Variants in EDA observed in about 807,000 individuals in gnomAD.
The protein encoded by EDA is ectodysplasin-A.
EDA carries 2 observed loss-of-function variants against 23.6 expected under a neutral mutation model. The observed-to-expected ratio is 0.08, with a 90% confidence interval of 0.03 to 0.27. The LOEUF is 0.27. Ranked by LOEUF, EDA falls within the 10% of genes least tolerant of loss-of-function variation. The pLI, the probability that EDA is intolerant of heterozygous loss-of-function variation, is 1.00. For synonymous variants in EDA, 131 were observed against 132.0 expected, an observed-to-expected ratio of 0.99 and a Z score of 0.05; for missense variants, 229 against 324.2, an observed-to-expected ratio of 0.71 and a Z score of 2.26.
intron 1 of EDA, among the ~76,000 whole-genome samples, chrX:69,914,911 C>T (rs2018318799): frequency 1.8e-5 from 2 of 111,531 alleles, no homozygotes; most frequent in Non-Finnish European, 1.9e-5. Context: ...TTTAGGTTTC[C>T]ACTGTTTTCC....
chrX:69,781,956 G>A lies in EDA; in HGVS notation c.396+165252G>A, dbSNP rs1469722070. Among the ~76,000 whole-genome samples the A allele has an allele frequency of 2.7e-5, 3 of 110,264 alleles. No homozygotes were observed. In the Admixed American group the frequency reaches 2.9e-4, roughly 11 times the overall value. On this transcript the variant is annotated intron_variant, in intron 1 of 7. Transcript: ENST00000374552. Reference sequence around the variant, plus strand: ...TTGGAGTATCATAGCATAGCACGGGGAGGGGAAAATTAAGTTTGCAAGTCA... The same window carrying A: ...TTGGAGTATCATAGCATAGCACGGGAAGGGGAAAATTAAGTTTGCAAGTCA...
At chrX:70,030,429 T>C (rs779246934) in intron 5 of EDA, 40 bp from the exon 6 acceptor site, 5 of 1,144,469 alleles carry the variant, frequency 4.4e-6, no homozygotes, top group Non-Finnish European at 4.8e-6. Flanking sequence ...AAGCAGCCAT[T>C]ACTCATAGTG....
intron 1 of EDA, among the ~76,000 whole-genome samples, chrX:69,633,487 CTG>C (rs1201677909): frequency 8.9e-5 from 10 of 111,807 alleles, no homozygotes; most frequent in Non-Finnish European, 1.5e-4. Context: ...CCCAAAGAAA[CTG>C]TATCCATTAG....
chrX:69,804,411 A>T (rs2015767051), intron 1 of EDA, among the ~76,000 whole-genome samples: 2 of 105,630 alleles, frequency 1.9e-5, no homozygotes, highest in Admixed American at 2.0e-4. Flanking sequence ...AGAGATATTC[A>T]GTCTGCTAAG....
chrX:69,963,980 G>A (rs1423549775), intron 2 of EDA, among the ~76,000 whole-genome samples: 1 of 111,667 alleles, frequency 9.0e-6, no homozygotes, highest in Non-Finnish European at 1.9e-5. Flanking sequence ...ATAAAGTTAA[G>A]ACATCTTTGA....
intron 1 of EDA, among the ~76,000 whole-genome samples, chrX:69,877,974 T>A (rs1303512062): frequency 8.9e-6 from 1 of 112,681 alleles, no homozygotes; most frequent in African/African-American, 3.2e-5. Context: ...TGACCATATA[T>A]GTGTAGGTCT....
At chrX:69,616,909 C>T in intron 1 of EDA, 3 of 510,992 alleles carry the variant, frequency 5.9e-6, no homozygotes, top group East Asian at 3.8e-5. Context: ...CCCTGGGGAC[C>T]CCTTGACTTG....
At chrX:69,935,166 C>T (rs1310943988) in intron 1 of EDA, among the ~76,000 whole-genome samples, 3 of 111,864 alleles carry the variant, frequency 2.7e-5, no homozygotes, top group African/African-American at 9.8e-5. Flanking sequence ...GTATGTGTAC[C>T]ATATCTTCTT....
intron 1 of EDA, among the ~76,000 whole-genome samples, chrX:69,902,741 C>T (rs1015282260): frequency 9.0e-6 from 1 of 111,674 alleles, no homozygotes; most frequent in Non-Finnish European, 1.9e-5. Context: ...TATTAGCCAT[C>T]ATTTTGCCCA....
chrX:69,624,317 A>G (rs148314680), intron 1 of EDA, among the ~76,000 whole-genome samples: 1,730 of 111,750 alleles, frequency 0.015, 30 homozygotes, highest in African/African-American at 0.054. Context: ...CTGCCAAAAT[A>G]TCTTTTAACA....
At chrX:69,725,705 A>C (rs777713677) in intron 1 of EDA, among the ~76,000 whole-genome samples, 20 of 112,769 alleles carry the variant, frequency 1.8e-4, no homozygotes, top group African/African-American at 6.4e-4. Flanking sequence ...AAGGACAGGC[A>C]TGTCAATGGC....
chrX:69,873,712 G>A (rs774404965), intron 1 of EDA, among the ~76,000 whole-genome samples: 10 of 111,638 alleles, frequency 9.0e-5, no homozygotes, highest in African/African-American at 2.0e-4. Flanking sequence ...CAAAGAATCC[G>A]GGATCATAAA....
chrX:69,683,629 A>G (rs1049935344), intron 1 of EDA, among the ~76,000 whole-genome samples: 1 of 111,591 alleles, frequency 9.0e-6, no homozygotes, highest in African/African-American at 3.3e-5. Context: ...CGCTTACTAG[A>G]TATTAAGTTC....
chrX:69,851,625 G>C (rs141681255), intron 1 of EDA, among the ~76,000 whole-genome samples: 2 of 112,253 alleles, frequency 1.8e-5, no homozygotes, highest in Non-Finnish European at 3.8e-5. Flanking sequence ...TGTAAATCTT[G>C]TGACTCTATC....
At chrX:69,712,415 C>T (rs1346379153) in intron 1 of EDA, among the ~76,000 whole-genome samples, 1 of 111,678 alleles carries the variant, frequency 9.0e-6, no homozygotes, top group Non-Finnish European at 1.9e-5. Flanking sequence ...TGAACAGACA[C>T]TTCTCAAAAG....
rs575659047 is a variant in EDA, at chrX:69,720,784, G to A, written c.396+104080G>A. Among the ~76,000 whole-genome samples the A allele has an allele frequency of 4.5e-5, 5 of 112,302 alleles. No individual in the cohort carries two copies. The South Asian group carries it at 1.8e-3, about 41-fold the overall frequency. On this transcript the variant is annotated intron_variant, in intron 1 of 7. Transcript: ENST00000374552. ...GTTTCAAGATAATTTGTAATTGATT[G>A]CAGAAACATTGTTATAATAGCTGCT...
intron 1 of EDA, among the ~76,000 whole-genome samples, chrX:69,670,623 C>A (rs1418891366): frequency 2.8e-5 from 3 of 107,737 alleles, no homozygotes; most frequent in Non-Finnish European, 3.8e-5. Context: ...TTTACTGAGT[C>A]ATTTCAAAAA....
At chrX:70,028,125 G>A (rs1279080234) in intron 4 of EDA, 89 bp downstream of exon 4, 14 of 1,143,096 alleles carry the variant, frequency 1.2e-5, no homozygotes, top group African/African-American at 3.7e-5. Context: ...AGTTTCAAAC[G>A]GTGGAGATGG....
At chrX:69,684,552 C>A (rs775505514) in intron 1 of EDA, among the ~76,000 whole-genome samples, 4 of 111,768 alleles carry the variant, frequency 3.6e-5, no homozygotes, top group Non-Finnish European at 7.5e-5. Context: ...AAGTAATAAA[C>A]CCTGAACTAG....
Sources: allele counts gnomAD v4.1 joint callset (sites outside exome capture counted in the v4.1 genomes callset), GRCh38; gene constraint gnomAD v4.1.1; transcripts MANE v1.5; gene names NCBI Gene and HGNC (gene_info 2026-07-23, HGNC 2026-07-21).